The following AGMO variants were observed in gnomAD, a reference collection of about 807,000 sequenced individuals.
The protein encoded by AGMO is alkylglycerol monooxygenase.
AGMO carries 75 observed loss-of-function variants against 60.2 expected under a neutral mutation model. The observed-to-expected ratio is 1.25, with a 90% CI of 1.03 to 1.51. The LOEUF (loss-of-function observed/expected upper bound fraction) is 1.51, where lower values mean the gene tolerates loss of function less well. Among genes scored for constraint, AGMO ranks in the 40% most tolerant of loss-of-function variants. AGMO has a pLI of 0.00. For missense variants in AGMO, 763 were observed against 525.5 expected (o/e 1.45, Z -4.42); for synonymous variants, 261 against 177.1 (o/e 1.47, Z -3.76).
chr7:15,440,076 C>CA (rs559207972), intron 3 of AGMO, among the ~76,000 whole-genome samples: 3 of 152,258 alleles, frequency 2.0e-5, no homozygotes, highest in African/African-American at 7.2e-5. Context: ...GATCTCACTG[C>CA]AAAAACAGAG....
At chr7:15,244,198 G>A (rs1782676742) in intron 12 of AGMO, among the ~76,000 whole-genome samples, 1 of 152,086 alleles carries the variant, frequency 6.6e-6, no homozygotes, top group African/African-American at 2.4e-5. Context: ...AGGATACAAA[G>A]CATAAAATGT....
the AGMO span, among the ~76,000 whole-genome samples, chr7:15,170,853 CTTGTT>C: frequency 1.3e-5 from 2 of 152,090 alleles, no homozygotes; most frequent in Admixed American, 1.3e-4. Context: ...TGAGACTTTC[CTTGTT>C]TTGAAGATCG....
At chr7:15,289,147 T>C (rs988188439) in intron 12 of AGMO, among the ~76,000 whole-genome samples, 1 of 152,096 alleles carries the variant, frequency 6.6e-6, no homozygotes, top group East Asian at 1.9e-4. Context: ...TACGGCCCCA[T>C]ACATAAAGCA....
At chr7:15,172,369 C>T in the AGMO span, among the ~76,000 whole-genome samples, 1 of 152,144 alleles carries the variant, frequency 6.6e-6, no homozygotes, top group Admixed American at 6.5e-5. Context: ...AGAGCCATCA[C>T]TGGGTTCAGG....
In AGMO at chr7:15,219,988, T is replaced by A. The variant is rs556270919; in HGVS notation, c.1264-18629A>T. On this transcript the variant is annotated intron_variant, in intron 12 of 12. Transcript: ENST00000342526. ...CTCCCTTCATACTCACTTCCTCTAATTCTTTTCTTCAATCCCACTTCTTAA... is the reference window on the plus strand; with the variant it reads ...CTCCCTTCATACTCACTTCCTCTAAATCTTTTCTTCAATCCCACTTCTTAA... Among the ~76,000 whole-genome samples, 6 of 152,230 alleles carry A rather than the reference T, an allele frequency of 3.9e-5. No homozygotes were observed. The South Asian group carries it at 1.2e-3, about 32-fold the overall frequency.
chr7:15,514,656 A>G (rs973649895), intron 3 of AGMO, among the ~76,000 whole-genome samples: 3 of 152,254 alleles, frequency 2.0e-5, no homozygotes, highest in Non-Finnish European at 4.4e-5. Flanking sequence ...ATGCATTTAC[A>G]TCTTCAATAA....
chr7:15,121,756 G>T, the AGMO span, among the ~76,000 whole-genome samples: 1 of 152,020 alleles, frequency 6.6e-6, no homozygotes, highest in Non-Finnish European at 1.5e-5. Flanking sequence ...CAGAACAGAG[G>T]CCACACATCT....
At chr7:15,539,649 A>G (rs931113122) in intron 3 of AGMO, among the ~76,000 whole-genome samples, 2 of 152,150 alleles carry the variant, frequency 1.3e-5, no homozygotes, top group Non-Finnish European at 2.9e-5. Context: ...TCCTTTGGGC[A>G]TATACTCAAT....
intron 12 of AGMO, among the ~76,000 whole-genome samples, chr7:15,266,294 C>A (rs558699439): frequency 1.3e-5 from 2 of 151,770 alleles, no homozygotes; most frequent in African/African-American, 4.8e-5. Context: ...TGGAGATGGA[C>A]GGTGAAGATG....
chr7:15,362,702 G>T (rs114294887), intron 12 of AGMO, among the ~76,000 whole-genome samples: 1 of 152,110 alleles, frequency 6.6e-6, no homozygotes, highest in Non-Finnish European at 1.5e-5. Context: ...TTTTCCATGA[G>T]GTCCTCTTTT....
At chr7:15,270,138 T>C (rs573529230) in intron 12 of AGMO, among the ~76,000 whole-genome samples, 12 of 152,198 alleles carry the variant, frequency 7.9e-5, no homozygotes, top group East Asian at 3.9e-4. Context: ...CATGGTGGGA[T>C]TGCTAGTTCA....
intron 2 of AGMO, among the ~76,000 whole-genome samples, chr7:15,547,654 C>G (rs578039929): frequency 3.8e-4 from 57 of 151,888 alleles, no homozygotes; most frequent in African/African-American, 1.3e-3. Flanking sequence ...GCACCTGGCT[C>G]GGAGGGTCCT....
chr7:15,276,325 T>C (rs1397884151), intron 12 of AGMO, among the ~76,000 whole-genome samples: 1 of 147,712 alleles, frequency 6.8e-6, no homozygotes, highest in Non-Finnish European at 1.5e-5. Context: ...TCGACTGGCA[T>C]TTTTTTTTTT....
chr7:15,380,546 T>C (rs1174859163), intron 10 of AGMO, among the ~76,000 whole-genome samples: 6 of 152,178 alleles, frequency 3.9e-5, no homozygotes, highest in African/African-American at 1.4e-4. Flanking sequence ...TCCATGTTCA[T>C]GGATAGCAAG....
intron 3 of AGMO, among the ~76,000 whole-genome samples, chr7:15,517,994 A>G (rs1783867075): frequency 6.6e-6 from 1 of 152,114 alleles, no homozygotes; most frequent in South Asian, 2.1e-4. Flanking sequence ...GGGGAGGGGC[A>G]TCACCATTAC....
chr7:15,461,487 AG>A (rs11315001), intron 3 of AGMO, among the ~76,000 whole-genome samples: 119,148 of 151,866 alleles, frequency 0.78, 47,689 homozygotes, highest in Non-Finnish European at 0.84. Flanking sequence ...GAAAAACTAA[AG>A]GAAAAGGTGG....
At chr7:15,530,462 TA>T (rs1360125695) in intron 3 of AGMO, among the ~76,000 whole-genome samples, 2 of 121,496 alleles carry the variant, frequency 1.6e-5, no homozygotes, top group African/African-American at 6.2e-5. Flanking sequence ...TATTTCTATA[TA>T]TATATTCTAT....
chr7:15,167,608 C>G, the AGMO span, among the ~76,000 whole-genome samples: 2 of 152,130 alleles, frequency 1.3e-5, no homozygotes, highest in East Asian at 1.9e-4. Flanking sequence ...TTATATCAGA[C>G]TGAAAACCAA....
In AGMO at chr7:15,240,747, G is replaced by A. The variant is rs1027541627; in HGVS notation, c.1264-39388C>T. 4.6e-5 allele frequency among the ~76,000 whole-genome samples: 7 copies of A among 152,172 alleles called. No individual in the cohort carries two copies. In the East Asian group the frequency reaches 1.4e-3, roughly 29 times the overall value. On this transcript the variant is annotated intron_variant, in intron 12 of 12. Coordinates refer to ENST00000342526, the MANE Select transcript of AGMO (RefSeq NM_001004320.2). ...TTCAGAGATCTAAGACATTTTTAAA[G>A]AAATGAATAAATACCAACAATTCCT...
Sources: allele counts gnomAD v4.1 joint callset (sites outside exome capture counted in the v4.1 genomes callset), GRCh38; gene constraint gnomAD v4.1.1; transcripts MANE v1.5; gene names NCBI Gene and HGNC (gene_info 2026-07-23, HGNC 2026-07-21).